ERBB4: variants seen among roughly 807,000 people sequenced by gnomAD.
The protein encoded by ERBB4 is receptor tyrosine-protein kinase erbB-4.
ERBB4 carries 42 observed loss-of-function variants against 158.0 expected under a neutral mutation model. The ratio of observed to expected loss-of-function variants is 0.27; its 90% CI spans 0.21 to 0.34. ERBB4 has a LOEUF of 0.34. ERBB4 is among the 10% of genes least tolerant of loss of function. ERBB4 has a pLI of 1.00. For synonymous variants in ERBB4, 583 were observed against 558.7 expected (o/e 1.04, Z -0.61); for missense variants, 1,333 against 1,624.1 (o/e 0.82, Z 3.08).
At chr2:212,483,104 A>G (rs1003849153) in intron 1 of ERBB4, among the ~76,000 whole-genome samples, 8 of 152,226 alleles carry the variant, frequency 5.3e-5, no homozygotes, top group Non-Finnish European at 1.5e-5. Flanking sequence ...AGCTTAAAAC[A>G]AAAAGACAGG....
chr2:211,847,816 G>T (rs759126013), intron 3 of ERBB4, among the ~76,000 whole-genome samples: 3 of 152,060 alleles, frequency 2.0e-5, no homozygotes, highest in Non-Finnish European at 4.4e-5. Flanking sequence ...GGTTTAATAT[G>T]CACTAACTGA....
chr2:211,970,814 T>A (rs1409046754), intron 2 of ERBB4, among the ~76,000 whole-genome samples: 1 of 152,138 alleles, frequency 6.6e-6, no homozygotes, highest in South Asian at 2.1e-4. Context: ...TACCAATGGG[T>A]CTTGGTTCCT....
intron 12 of ERBB4, among the ~76,000 whole-genome samples, chr2:211,695,682 G>A (rs2072990575): frequency 6.6e-6 from 1 of 151,988 alleles, no homozygotes; most frequent in Non-Finnish European, 1.5e-5. Flanking sequence ...CCCAATGGTT[G>A]ATGTTTTTCT....
chr2:212,045,992 T>A (rs1461147666), intron 2 of ERBB4, among the ~76,000 whole-genome samples: 2 of 152,174 alleles, frequency 1.3e-5, no homozygotes, highest in Non-Finnish European at 2.9e-5. Flanking sequence ...TTAGACTCAC[T>A]GGTATTCAGG....
chr2:212,045,473 A>T lies in ERBB4; in HGVS notation c.234+79279T>A, dbSNP rs2077238477. Among the ~76,000 whole-genome samples, 2 of 152,180 alleles carry T rather than the reference A, an allele frequency of 1.3e-5. 1 individual carries two copies. The highest frequency in any genetic ancestry group is 4.1e-4 in the South Asian group (2 of 4,828). ...GAGGAGATTCTGTCTCAACAAATTA[A>T]AGAAAGGAAAAAGAAAAGTAACATT... On this transcript the variant is annotated intron_variant, in intron 2 of 27. Transcript: ENST00000342788.
At chr2:211,989,037 G>A (rs941843202) in intron 2 of ERBB4, among the ~76,000 whole-genome samples, 1 of 151,686 alleles carries the variant, frequency 6.6e-6, no homozygotes, top group African/African-American at 2.4e-5. Flanking sequence ...TTGTTCTATA[G>A]TCCCATTTAT....
At chr2:211,579,850 G>A (rs2068014628) in intron 19 of ERBB4, among the ~76,000 whole-genome samples, 1 of 152,034 alleles carries the variant, frequency 6.6e-6, no homozygotes, top group African/African-American at 2.4e-5. Context: ...AATGCATGCT[G>A]GGCTTAATAC....
At chr2:211,868,979 C>T (rs2078276101) in intron 3 of ERBB4, among the ~76,000 whole-genome samples, 1 of 152,166 alleles carries the variant, frequency 6.6e-6, no homozygotes, top group Non-Finnish European at 1.5e-5. Context: ...ATTTCAATTT[C>T]ATAAACATCA....
chr2:212,149,253 T>G (rs1022163482), intron 1 of ERBB4, among the ~76,000 whole-genome samples: 2 of 152,206 alleles, frequency 1.3e-5, no homozygotes, highest in Admixed American at 1.3e-4. Context: ...TTATCTTTCA[T>G]GACATTCCTG....
chr2:211,807,738 A>G (rs979128887), intron 3 of ERBB4, among the ~76,000 whole-genome samples: 1 of 152,224 alleles, frequency 6.6e-6, no homozygotes, highest in Non-Finnish European at 1.5e-5. Flanking sequence ...TTACACTCCC[A>G]CCAATGGTGT....
chr2:211,966,699 TAATCTTTTTGAA>T (rs2125189848), intron 2 of ERBB4, among the ~76,000 whole-genome samples: 1 of 152,302 alleles, frequency 6.6e-6, no homozygotes, highest in African/African-American at 2.4e-5. Context: ...AGTATTATAT[TAATCTTTTTGAA>T]AATGCTACTT....
intron 20 of ERBB4, among the ~76,000 whole-genome samples, chr2:211,449,813 G>A (rs1361036560): frequency 1.3e-5 from 2 of 152,174 alleles, no homozygotes; most frequent in African/African-American, 4.8e-5. Context: ...CTGGATATAA[G>A]TGTACTTAGA....
intron 1 of ERBB4, among the ~76,000 whole-genome samples, chr2:212,461,519 CTATT>C (rs1688574341): frequency 1.3e-5 from 2 of 152,176 alleles, no homozygotes; most frequent in African/African-American, 4.8e-5. Flanking sequence ...TACCCCCACT[CTATT>C]TAGGAAGTAA....
chr2:211,950,888 A>T (rs1448329821), intron 2 of ERBB4, among the ~76,000 whole-genome samples: 1 of 152,026 alleles, frequency 6.6e-6, no homozygotes, highest in East Asian at 1.9e-4. Flanking sequence ...TCCTTCAAAC[A>T]CTGTTCTAAT....
At chr2:211,889,497 C>T (rs1170350452) in intron 3 of ERBB4, among the ~76,000 whole-genome samples, 2 of 151,736 alleles carry the variant, frequency 1.3e-5, no homozygotes, top group Non-Finnish European at 2.9e-5. Context: ...AGCGCCTCTC[C>T]TCCTCCAAAG....
intron 1 of ERBB4, among the ~76,000 whole-genome samples, chr2:212,218,927 A>G (rs1048134305): frequency 6.6e-6 from 1 of 151,564 alleles, no homozygotes; most frequent in South Asian, 2.1e-4. Context: ...CATATGTACT[A>G]GAACTTTTAT....
intron 1 of ERBB4, among the ~76,000 whole-genome samples, chr2:212,454,228 C>T (rs1688159606): frequency 6.6e-6 from 1 of 152,178 alleles, no homozygotes; most frequent in Non-Finnish European, 1.5e-5. Context: ...CATGAGCCAC[C>T]ATGCCTGGCT....
At chr2:212,459,041 A>G (rs754317571) in intron 1 of ERBB4, among the ~76,000 whole-genome samples, 11 of 152,290 alleles carry the variant, frequency 7.2e-5, no homozygotes, top group Non-Finnish European at 1.6e-4. Context: ...TTGGATAACC[A>G]AAATAGAAAA....
At chr2:212,477,363 T>C (rs970860309) in intron 1 of ERBB4, among the ~76,000 whole-genome samples, 1 of 152,028 alleles carries the variant, frequency 6.6e-6, no homozygotes, top group Non-Finnish European at 1.5e-5. Flanking sequence ...TGTAATCAGA[T>C]AAGGAATGCG....
Sources: allele counts gnomAD v4.1 joint callset (sites outside exome capture counted in the v4.1 genomes callset), GRCh38; gene constraint gnomAD v4.1.1; transcripts MANE v1.5; gene names NCBI Gene and HGNC (gene_info 2026-07-23, HGNC 2026-07-21).